The following STMN2 variants were observed in gnomAD, a reference collection of about 807,000 sequenced individuals.
STMN2 encodes stathmin-2.
Under a neutral mutation model 24.1 loss-of-function variants are expected in STMN2, and 2 were observed. The observed-to-expected ratio is 0.08, with a 90% CI of 0.03 to 0.26. The LOEUF is 0.26. Ranked by LOEUF, STMN2 falls within the 10% of genes least tolerant of loss-of-function variation. The pLI, the probability that STMN2 is intolerant of heterozygous loss-of-function variation, is 1.00. For synonymous variants in STMN2, 83 were observed against 77.5 expected (o/e 1.07, Z -0.37); for missense variants, 114 against 213.6 (o/e 0.53, Z 2.91).
intron 1 of STMN2, among the ~76,000 whole-genome samples, chr8:79,626,011 T>C (rs1809645365): frequency 7.4e-6 from 1 of 135,186 alleles, no homozygotes; most frequent in African/African-American, 3.1e-5. Context: ...TTGGAGAAAT[T>C]AATGCTTATT....
At chr8:79,617,343 C>T (rs557219211) in intron 1 of STMN2, among the ~76,000 whole-genome samples, 2 of 152,170 alleles carry the variant, frequency 1.3e-5, no homozygotes, top group Non-Finnish European at 2.9e-5. Context: ...AAATATTATG[C>T]TGCAAAAATG....
intron 1 of STMN2, among the ~76,000 whole-genome samples, chr8:79,622,378 A>G (rs1032031264): frequency 1.3e-5 from 2 of 152,230 alleles, no homozygotes; most frequent in African/African-American, 4.8e-5. Context: ...TGAACATCTC[A>G]ATTCTTATAC....
intron 4 of STMN2, among the ~76,000 whole-genome samples, chr8:79,663,881 T>C (rs1375625450): frequency 1.3e-5 from 2 of 152,168 alleles, no homozygotes; most frequent in Non-Finnish European, 2.9e-5. Context: ...CCTCAGGAAG[T>C]TCAGTTCCCA....
chr8:79,611,355 G>C, intron 1 of STMN2, 141 bp downstream of exon 1: 6 of 1,138,802 alleles, frequency 5.3e-6, no homozygotes, highest in Non-Finnish European at 7.5e-6. Context: ...GGACAGGGCA[G>C]TTCTGGGGGA....
chr8:79,659,163 A>G (rs904143084), intron 4 of STMN2, among the ~76,000 whole-genome samples: 4 of 151,994 alleles, frequency 2.6e-5, no homozygotes, highest in Admixed American at 1.3e-4. Context: ...TCATCTTAAC[A>G]CTCCAGGCTA....
chr8:79,619,912 T>C (rs949809624), intron 1 of STMN2, among the ~76,000 whole-genome samples: 1 of 151,850 alleles, frequency 6.6e-6, no homozygotes, highest in Non-Finnish European at 1.5e-5. Context: ...ATATAGTTTT[T>C]TAAAAGGAGC....
chr8:79,611,852 A>T, intron 1 of STMN2: 1 of 309,028 alleles, frequency 3.2e-6, no homozygotes, highest in Non-Finnish European at 4.1e-6. Context: ...AGGGCAAGGG[A>T]GGGGAAGGAG....
chr8:79,654,479 A>G (rs146146169), intron 3 of STMN2, among the ~76,000 whole-genome samples: 34 of 152,338 alleles, frequency 2.2e-4, no homozygotes, highest in African/African-American at 7.7e-4. Flanking sequence ...CAGGAAGAAG[A>G]TCAGAACTTG....
At position 79,611,286 on chromosome 8, in the gene STMN2, GA is replaced by G; in HGVS notation, c.19+74del. On this transcript the variant is annotated intron_variant, in intron 1 of 4. Coordinates refer to ENST00000220876, the MANE Select transcript of STMN2 (RefSeq NM_007029.4). Reference sequence around the variant, plus strand: ...CTCTCACCTCCTCTCTTGAGCTCTAGAAGCATTCAGAGATATTTTATAAAGA... The same window carrying G: ...CTCTCACCTCCTCTCTTGAGCTCTAGAGCATTCAGAGATATTTTATAAAGA... The G allele has an allele frequency of 2.5e-6, 4 of 1,574,604 alleles. No individual in the cohort carries two copies. In the South Asian group the frequency reaches 4.4e-5, roughly 18 times the overall value.
At chr8:79,631,036 A>G (rs1809790505) in intron 1 of STMN2, among the ~76,000 whole-genome samples, 1 of 152,196 alleles carries the variant, frequency 6.6e-6, no homozygotes, top group Non-Finnish European at 1.5e-5. Context: ...AATTTCTTTC[A>G]TCAGGGGAAA....
At chr8:79,657,627 A>AT (rs1004797323) in intron 4 of STMN2, among the ~76,000 whole-genome samples, 38 of 152,096 alleles carry the variant, frequency 2.5e-4, no homozygotes, top group African/African-American at 8.9e-4. Flanking sequence ...CTAGGACCAC[A>AT]TTTTTTTCTG....
chr8:79,655,213 T>C lies in STMN2; in HGVS notation c.480+151T>C, dbSNP rs140473632. 72 of 802,278 alleles carry C rather than the reference T, an allele frequency of 9.0e-5. No individual in the cohort carries two copies. The East Asian group carries it at 1.8e-3, about 20-fold the overall frequency. 49.7% of individuals were successfully genotyped at this position (802,278 alleles called of 1,614,324 possible). A position where few individuals can be genotyped will look rare whatever the true frequency, so the allele number is the denominator to read the frequency against. ...ATGGGCAGGGTCTCACAGTGTAGCA[T>C]TGAGTTAGCAGGAGGTGCAACATGG... On this transcript the variant is annotated intron_variant, in intron 4 of 4. Coordinates refer to ENST00000220876, the MANE Select transcript of STMN2 (RefSeq NM_007029.4).
At chr8:79,616,647 A>T (rs537045620) in intron 1 of STMN2, among the ~76,000 whole-genome samples, 12 of 152,322 alleles carry the variant, frequency 7.9e-5, no homozygotes, top group Non-Finnish European at 1.8e-4. Flanking sequence ...ATATACAGGT[A>T]TCCCTCCTGG....
At chr8:79,612,279 A>G (rs1809255169) in intron 1 of STMN2, among the ~76,000 whole-genome samples, 1 of 152,174 alleles carries the variant, frequency 6.6e-6, no homozygotes, top group Admixed American at 6.5e-5. Flanking sequence ...GAGAGATGGG[A>G]AAAGTGGGTT....
At chr8:79,651,105 C>T (rs1309583182) in intron 3 of STMN2, among the ~76,000 whole-genome samples, 1 of 152,114 alleles carries the variant, frequency 6.6e-6, no homozygotes, top group Non-Finnish European at 1.5e-5. Context: ...ATTATTAAGT[C>T]CTGCAAATGT....
intron 1 of STMN2, among the ~76,000 whole-genome samples, chr8:79,615,009 G>A (rs532994245): frequency 7.2e-5 from 11 of 152,306 alleles, no homozygotes; most frequent in South Asian, 2.1e-4. Flanking sequence ...TCCTTTCAGA[G>A]TGCCATAAGG....
rs566229657 is a variant in STMN2, at chr8:79,616,103, C to T, written c.19+4889C>T. Among the ~76,000 whole-genome samples the T allele has an allele frequency of 4.4e-4, 67 of 152,280 alleles. 2 individuals are homozygous for T. The highest frequency in any genetic ancestry group is 3.9e-3 in the Admixed American group (60 of 15,290). ...CACCTGCAGAGAACATGCAGCTTAGCGAGTAAAACAGGCAGGTATGTGATA... is the reference window on the plus strand; with the variant it reads ...CACCTGCAGAGAACATGCAGCTTAGTGAGTAAAACAGGCAGGTATGTGATA... On this transcript the variant is annotated intron_variant, in intron 1 of 4. Transcript: ENST00000220876.
intron 4 of STMN2, among the ~76,000 whole-genome samples, chr8:79,662,750 A>G (rs749463898): frequency 5.3e-5 from 8 of 152,116 alleles, no homozygotes; most frequent in Non-Finnish European, 1.2e-4. Flanking sequence ...ACTCCAAAGT[A>G]GCCTAATAAT....
Position 79,641,284 on chromosome 8 carries a change from C to T in STMN2, c.116-94C>T. ...ATTTTATTCCTATCTCCCGGAATAA[C>T]AACGCTACTTCCAATTGCTGGAATC... is the stretch of plus-strand genomic sequence containing the variant. On this transcript the variant is annotated intron_variant, in intron 2 of 4. Coordinates refer to ENST00000220876, the MANE Select transcript of STMN2 (RefSeq NM_007029.4). 2.9e-6 allele frequency: 4 copies of T among 1,357,732 alleles called. No homozygotes were observed. In the Admixed American group the frequency reaches 6.9e-5, roughly 23 times the overall value. 84.1% of individuals were successfully genotyped at this position (1,357,732 alleles called of 1,614,324 possible). A position where few individuals can be genotyped will look rare whatever the true frequency, so the allele number is the denominator to read the frequency against.
Sources: gnomAD v4.1 joint callset for allele counts (sites outside exome capture counted in the v4.1 genomes callset) on GRCh38, gnomAD v4.1.1 for gene constraint, MANE v1.5 for transcripts, NCBI Gene and HGNC (gene_info 2026-07-23, HGNC 2026-07-21) for gene names.